Variants in ELP2 observed in about 807,000 individuals in gnomAD.
ELP2 encodes the protein elongator complex protein 2.
Under a neutral mutation model 119.2 loss-of-function variants are expected in ELP2, and 90 were observed. That is an observed-to-expected ratio of 0.75 (90% CI 0.64 to 0.90). The LOEUF (loss-of-function observed/expected upper bound fraction) is 0.90, where lower values mean the gene tolerates loss of function less well. Among genes scored for constraint, ELP2 ranks in the 40% least tolerant of loss-of-function variants. The probability of loss-of-function intolerance (pLI) is 0.00; values close to 1 mark genes in which losing one functional copy is unlikely to be tolerated. For missense variants in ELP2, 921 were observed against 967.8 expected (o/e 0.95, Z 0.64); for synonymous variants, 339 against 331.0 (o/e 1.02, Z -0.26).
chr18:36,174,469 T>C lies in ELP2; in HGVS notation c.2325-16T>C, dbSNP rs780378494. ...AATTGGAAAAACATTTCATGATTTC[T>C]CTATCTTTGTTTTAGCCAAAGTCAT... On this transcript the variant is annotated splice_polypyrimidine_tract_variant and intron_variant, in intron 21 of 21. Transcript: ENST00000358232. 6.2e-7 allele frequency: 1 copy of C among 1,612,416 alleles called. No individual in the cohort carries two copies. Among genetic ancestry groups the C allele is most frequent in the South Asian group, 1.1e-5 (1 of 90,880 alleles).
chr18:36,140,262 G>A (rs552065171), intron 5 of ELP2, among the ~76,000 whole-genome samples: 100 of 151,672 alleles, frequency 6.6e-4, no homozygotes, highest in South Asian at 6.1e-3. Context: ...TGAGTAGCTG[G>A]GACTCCAAGC....
rs1443822415 is a variant in ELP2, at chr18:36,164,515, C to G, written c.1802C>G (p.Thr601Ser). 6.8e-6 allele frequency: 11 copies of G among 1,614,078 alleles called. No homozygotes were observed. Among genetic ancestry groups the G allele is most frequent in the Non-Finnish European group, 8.5e-6 (10 of 1,179,956 alleles). ...KEHAAIILWN[T>S]TSWKQVQNLV... ...CATGCAGCTATCATTCTTTGGAACACTACATCTTGGAAACAGGTGCAGAAT... is the reference window on the plus strand; with the variant it reads ...CATGCAGCTATCATTCTTTGGAACAGTACATCTTGGAAACAGGTGCAGAAT... Residue 601 changes from threonine (T) to serine (S), a missense_variant, in exon 18 of 22, where the codon ACT becomes AGT. Thr to Ser is a moderately conservative substitution (Grantham distance 58). Coordinates refer to ENST00000358232, the MANE Select transcript of ELP2 (RefSeq NM_018255.4).
At chr18:36,154,734 C>T (rs147319805) in intron 11 of ELP2, 116 bp from the exon 12 acceptor site, 2 of 1,109,680 alleles carry the variant, frequency 1.8e-6, no homozygotes, top group East Asian at 4.7e-5. Flanking sequence ...ATCTTGTATA[C>T]TTAGCTTTTC....
At chr18:36,163,690 C>T (rs1043012084) in intron 17 of ELP2, among the ~76,000 whole-genome samples, 1 of 152,090 alleles carries the variant, frequency 6.6e-6, no homozygotes, top group Non-Finnish European at 1.5e-5. Flanking sequence ...GTTTCAGCAT[C>T]ATTTTTTTAA....
rs2091255701 is a variant in ELP2, at chr18:36,177,648, T to C, written c.*3007T>C. The C allele has an allele frequency of 6.6e-6, 1 of 152,168 alleles. No homozygotes were observed. Among genetic ancestry groups the C allele is most frequent in the South Asian group, 2.1e-4 (1 of 4,828 alleles). 9.4% of individuals were successfully genotyped at this position (152,168 alleles called of 1,614,324 possible). On this transcript the variant is annotated 3_prime_UTR_variant, in exon 22 of 22. Coordinates refer to ENST00000358232, the MANE Select transcript of ELP2 (RefSeq NM_018255.4). ...AAAATGGTTAAGATGGTAAATCTTATCTTTATTTTACCACAGTTTTTTTTA... is the reference window on the plus strand; with the variant it reads ...AAAATGGTTAAGATGGTAAATCTTACCTTTATTTTACCACAGTTTTTTTTA...
At position 36,138,793 on chromosome 18, in the gene ELP2, A is replaced by T; in HGVS notation, c.446-2A>T. Reference sequence around the variant, plus strand: ...TTCATTGTGTTTTTTATTATTTCTTAGTAATGTGCCTTCAGACTTTAAACT... The same window carrying T: ...TTCATTGTGTTTTTTATTATTTCTTTGTAATGTGCCTTCAGACTTTAAACT... On this transcript the variant is annotated splice_acceptor_variant, in intron 4 of 21. Transcript: ENST00000358232. LOFTEE classifies it high-confidence loss of function. 1 of 1,612,736 alleles carries T rather than the reference A, an allele frequency of 6.2e-7. No individual in the cohort carries two copies. The highest frequency in any genetic ancestry group is 8.5e-7 in the Non-Finnish European group (1 of 1,178,834).
intron 11 of ELP2, among the ~76,000 whole-genome samples, chr18:36,152,396 T>C (rs1158411550): frequency 2.6e-5 from 4 of 152,184 alleles, no homozygotes; most frequent in Non-Finnish European, 4.4e-5. Context: ...TTAATAAGGC[T>C]TCTTGAACGG....
In ELP2 at chr18:36,156,454, C is replaced by T. The variant is rs760618043; in HGVS notation, c.1276-12C>T. 45 of 1,613,380 alleles carry T rather than the reference C, an allele frequency of 2.8e-5. No individual in the cohort carries two copies. Among genetic ancestry groups the T allele is most frequent in the Middle Eastern group, 3.3e-4 (2 of 6,080 alleles). ...TTTGAATGATCATTTTTGTTTATCC[C>T]GTTTTACCCAGGTGACTTGGCATGA... On this transcript the variant is annotated splice_polypyrimidine_tract_variant and intron_variant, in intron 12 of 21. Transcript: ENST00000358232.
chr18:36,142,152 C>T, intron 6 of ELP2, 129 bp from the exon 7 acceptor site: 1 of 778,766 alleles, frequency 1.3e-6, no homozygotes, highest in African/African-American at 1.7e-5. Context: ...AATGCTTTTT[C>T]TTGTCTAATC....
At chr18:36,157,512 T>G (rs540273120) in intron 13 of ELP2, among the ~76,000 whole-genome samples, 1 of 151,970 alleles carries the variant, frequency 6.6e-6, no homozygotes, top group Non-Finnish European at 1.5e-5. Flanking sequence ...GGTGGAAGAC[T>G]TGGGAGGCAG....
Position 36,171,136 on chromosome 18 carries a change from C to T in ELP2, c.2300C>T (p.Thr767Ile), listed in dbSNP as rs761161481. 6.2e-7 allele frequency: 1 copy of T among 1,612,712 alleles called. No homozygotes were observed. The highest frequency in any genetic ancestry group is 1.7e-5 in the Admixed American group (1 of 60,016). ...CAAGTTCCAGAAATAAATGACTGGA[C>T]CCACTGTGTAGAAACAAGTCAAAGG... ...TDQVPEINDW[T>I]HCVETSQSQS... The change falls in exon 21 of 22, where the codon ACC (threonine) becomes ATC (isoleucine). Residue 767 changes from threonine (T) to isoleucine (I), a missense_variant. Transcript: ENST00000358232.
intron 6 of ELP2, chr18:36,141,421 A>G: frequency 1.8e-6 from 1 of 546,482 alleles, no homozygotes; most frequent in Non-Finnish European, 3.3e-6. Flanking sequence ...AGGGGGAAAC[A>G]GGTCATTAGG....
At chr18:36,134,995 G>T (rs1401712467) in intron 2 of ELP2, among the ~76,000 whole-genome samples, 1 of 152,090 alleles carries the variant, frequency 6.6e-6, no homozygotes, top group Non-Finnish European at 1.5e-5. Flanking sequence ...CTACTTATTT[G>T]CTTCTGTAGG....
intron 9 of ELP2, among the ~76,000 whole-genome samples, chr18:36,145,704 A>T (rs1359597517): frequency 1.3e-5 from 2 of 152,226 alleles, no homozygotes; most frequent in African/African-American, 4.8e-5. Context: ...CTGTATCCAC[A>T]TTGATTTGTG....
At chr18:36,160,089 C>A in intron 16 of ELP2, 74 bp downstream of exon 16, 3 of 1,385,260 alleles carry the variant, frequency 2.2e-6, no homozygotes, top group Admixed American at 3.4e-5. Flanking sequence ...ACCCCACAAT[C>A]TGATGTCTCC....
chr18:36,143,064 C>A, intron 8 of ELP2, 98 bp downstream of exon 8: 1 of 826,752 alleles, frequency 1.2e-6, no homozygotes, highest in Non-Finnish European at 1.9e-6. Flanking sequence ...TAGTTTTTCA[C>A]AATTGTCAGA....
chr18:36,155,515 A>G (rs780860565), intron 12 of ELP2, among the ~76,000 whole-genome samples: 2 of 152,148 alleles, frequency 1.3e-5, no homozygotes, highest in Non-Finnish European at 2.9e-5. Flanking sequence ...ACTTTCATAC[A>G]TTGCTATTGG....
At chr18:36,161,171 C>T (rs969962880) in intron 17 of ELP2, among the ~76,000 whole-genome samples, 167 bp downstream of exon 17, 1 of 152,122 alleles carries the variant, frequency 6.6e-6, no homozygotes, top group Non-Finnish European at 1.5e-5. Context: ...TCTTCAAAAG[C>T]TTATGGTTTC....
intron 13 of ELP2, among the ~76,000 whole-genome samples, chr18:36,156,995 G>A (rs770442407): frequency 6.6e-6 from 1 of 152,160 alleles, no homozygotes; most frequent in East Asian, 1.9e-4. Context: ...CTGTATGGTA[G>A]GGGTAGAGGT....
Sources: gnomAD v4.1 joint callset for allele counts (sites outside exome capture counted in the v4.1 genomes callset) on GRCh38, gnomAD v4.1.1 for gene constraint, MANE v1.5 for transcripts, NCBI Gene and HGNC (gene_info 2026-07-23, HGNC 2026-07-21) for gene names.